The following TOM1L2 variants were observed in gnomAD, a reference collection of about 807,000 sequenced individuals.
The protein encoded by TOM1L2 is TOM1-like protein 2.
A neutral mutation model predicts 67.9 loss-of-function variants in TOM1L2; 31 were observed. That is an observed-to-expected ratio of 0.46 (90% CI 0.34 to 0.62). The LOEUF (loss-of-function observed/expected upper bound fraction) is 0.62, where lower values mean the gene tolerates loss of function less well. TOM1L2 is among the 20% of genes least tolerant of loss of function. The pLI, the probability that TOM1L2 is intolerant of heterozygous loss-of-function variation, is 0.01. For synonymous variants in TOM1L2, 256 were observed against 254.0 expected, an observed-to-expected ratio of 1.01 and a Z score of -0.07; for missense variants, 606 against 663.5, an observed-to-expected ratio of 0.91 and a Z score of 0.95.
At chr17:17,944,058 G>A (rs1309464254) in intron 1 of TOM1L2, among the ~76,000 whole-genome samples, 3 of 152,248 alleles carry the variant, frequency 2.0e-5, no homozygotes, top group Non-Finnish European at 2.9e-5. Flanking sequence ...TGCACTTGAG[G>A]GTCTTCCTCT....
chr17:17,866,732 A>T, intron 9 of TOM1L2, 144 bp downstream of exon 9: 1 of 891,356 alleles, frequency 1.1e-6, no homozygotes, highest in Non-Finnish European at 1.8e-6. Context: ...GCTCTGCCCT[A>T]GTATCCCATC....
chr17:17,849,476 C>T (rs578059808), intron 13 of TOM1L2, among the ~76,000 whole-genome samples: 28 of 152,370 alleles, frequency 1.8e-4, no homozygotes, highest in Admixed American at 7.2e-4. Flanking sequence ...AGCCTCCTCC[C>T]GTGGCCCAGA....
rs116297752 is a variant in TOM1L2 at position 17,943,613 on chromosome 17, G to C, written c.52+28649C>G. 8.3e-3 allele frequency among the ~76,000 whole-genome samples: 1,259 copies of C among 152,294 alleles called. 18 individuals carry two copies. The highest frequency in any genetic ancestry group is 0.029 in the African/African-American group (1,213 of 41,526). ...ATCTCTCTTGGGGATTGCTGCTGCA[G>C]CCTCCTCATTGTTATCACTTCCTCC... On this transcript the variant is annotated intron_variant, in intron 1 of 14. Coordinates refer to ENST00000379504, the MANE Select transcript of TOM1L2 (RefSeq NM_001082968.2).
intron 2 of TOM1L2, among the ~76,000 whole-genome samples, chr17:17,901,264 T>C (rs2038841496): frequency 6.6e-6 from 1 of 152,036 alleles, no homozygotes; most frequent in Non-Finnish European, 1.5e-5. Flanking sequence ...GATTAGATAG[T>C]GTGGAGTTGG....
intron 12 of TOM1L2, 48 bp from the exon 13 acceptor site, chr17:17,851,000 G>A (rs893107804): frequency 2.5e-6 from 4 of 1,601,450 alleles, no homozygotes; most frequent in Admixed American, 3.3e-5. Flanking sequence ...CACAGCCAGC[G>A]AGGGGAGACA....
At position 17,879,742 on chromosome 17, in the gene TOM1L2, A is replaced by G. The variant is rs1028789047; in HGVS notation, c.662T>C (p.Ile221Thr). ...TGPITANSEQ[I>T]ARLRSELDVV... is the part of the protein sequence containing the mutation. Reference sequence around the variant, plus strand: ...GTCCAGTTCACTCCGCAGCCTGGCAATCTGGTGGGGGCCACGAGGAAGGAA... The same window carrying G: ...GTCCAGTTCACTCCGCAGCCTGGCAGTCTGGTGGGGGCCACGAGGAAGGAA... The change falls in exon 7 of 15, where the codon ATT (isoleucine) becomes ACT (threonine). Residue 221 changes from isoleucine to threonine, a missense_variant and splice_region_variant. Coordinates refer to ENST00000379504, the MANE Select transcript of TOM1L2 (RefSeq NM_001082968.2). The G allele has an allele frequency of 3.7e-6, 6 of 1,613,786 alleles. No homozygotes were observed. Among genetic ancestry groups the G allele is most frequent in the Non-Finnish European group, 3.4e-6 (4 of 1,179,614 alleles).
At chr17:17,857,740 C>T in intron 12 of TOM1L2, 1 of 1,531,300 alleles carries the variant, frequency 6.5e-7, no homozygotes, top group Non-Finnish European at 8.7e-7. Context: ...GGGTGGACAG[C>T]AGGCTTGGCT....
intron 7 of TOM1L2, among the ~76,000 whole-genome samples, chr17:17,875,604 G>A (rs543488368): frequency 6.6e-6 from 1 of 152,232 alleles, no homozygotes; most frequent in African/African-American, 2.4e-5. Context: ...GGGAAGAACA[G>A]CTGGTCACTT....
chr17:17,963,505 G>A (rs1463534641), intron 1 of TOM1L2, among the ~76,000 whole-genome samples: 1 of 152,184 alleles, frequency 6.6e-6, no homozygotes, highest in African/African-American at 2.4e-5. Context: ...GCAAGTTTCT[G>A]AACCCCTTTA....
At position 17,947,209 on chromosome 17, in the gene TOM1L2, T is replaced by TG. The variant is rs36043265; in HGVS notation, c.52+25052dup. Reference sequence around the variant, plus strand: ...CAGTGAGCTTTTCAGTTTTATACGGTGGGGGGGTCTCACTATATTGCCCAT... The same window carrying TG: ...CAGTGAGCTTTTCAGTTTTATACGGTGGGGGGGGTCTCACTATATTGCCCAT... On this transcript the variant is annotated intron_variant, in intron 1 of 14. Coordinates refer to ENST00000379504, the MANE Select transcript of TOM1L2 (RefSeq NM_001082968.2). Among the ~76,000 whole-genome samples the TG allele has an allele frequency of 2.5e-3, 377 of 151,296 alleles. 3 individuals are homozygous for TG. Among genetic ancestry groups the TG allele is most frequent in the East Asian group, 0.017 (86 of 5,100 alleles).
intron 10 of TOM1L2, chr17:17,863,266 T>C (rs2036660397): frequency 5.8e-6 from 1 of 171,146 alleles, no homozygotes; most frequent in Non-Finnish European, 1.3e-5. Context: ...AGATCTTGAG[T>C]AGACCAAATT....
intron 1 of TOM1L2, among the ~76,000 whole-genome samples, chr17:17,934,215 TG>T (rs1334563234): frequency 1.3e-5 from 2 of 152,064 alleles, no homozygotes; most frequent in African/African-American, 4.8e-5. Flanking sequence ...GAGGCCAAGG[TG>T]GGAGGACTGC....
intron 13 of TOM1L2, among the ~76,000 whole-genome samples, chr17:17,849,798 C>T (rs890133420): frequency 1.3e-5 from 2 of 152,198 alleles, no homozygotes; most frequent in African/African-American, 4.8e-5. Context: ...AGTTAAGGAC[C>T]TTGGTCCTTC....
chr17:17,909,790 G>A (rs1817340864), intron 1 of TOM1L2, among the ~76,000 whole-genome samples: 1 of 152,214 alleles, frequency 6.6e-6, no homozygotes, highest in African/African-American at 2.4e-5. Context: ...AGAACTTTGG[G>A]AGGCTGAGGC....
intron 7 of TOM1L2, among the ~76,000 whole-genome samples, chr17:17,875,237 C>T (rs1348205323): frequency 7.1e-6 from 1 of 140,122 alleles, no homozygotes; most frequent in East Asian, 2.1e-4. Flanking sequence ...GCCTGGGTGA[C>T]AAAGCGAGAC....
intron 1 of TOM1L2, among the ~76,000 whole-genome samples, chr17:17,966,665 G>A (rs1169110386): frequency 6.6e-6 from 1 of 152,206 alleles, no homozygotes; most frequent in Non-Finnish European, 1.5e-5. Context: ...ATCAGGAGTA[G>A]ATTCTAGGCT....
At chr17:17,866,209 G>A in intron 10 of TOM1L2, 87 bp downstream of exon 10, 1 of 1,447,400 alleles carries the variant, frequency 6.9e-7, no homozygotes, top group Non-Finnish European at 9.2e-7. Context: ...CTCTCTTTGG[G>A]TCTTCCAAGA....
chr17:17,907,681 A>T (rs1316391228), intron 1 of TOM1L2, 150 bp from the exon 2 acceptor site: 4 of 651,576 alleles, frequency 6.1e-6, no homozygotes, highest in Non-Finnish European at 1.1e-5. Context: ...TTATCACAAG[A>T]GAACACCCGG....
chr17:17,957,267 C>T (rs1418659999), intron 1 of TOM1L2, among the ~76,000 whole-genome samples: 1 of 152,252 alleles, frequency 6.6e-6, no homozygotes, highest in Non-Finnish European at 1.5e-5. Flanking sequence ...AGGCATGAGC[C>T]ACCACTCCCT....
Sources: gnomAD v4.1 joint callset for allele counts (sites outside exome capture counted in the v4.1 genomes callset) on GRCh38, gnomAD v4.1.1 for gene constraint, MANE v1.5 for transcripts, NCBI Gene and HGNC (gene_info 2026-07-23, HGNC 2026-07-21) for gene names.